SVEP1: variants seen among roughly 807,000 people sequenced by gnomAD.
SVEP1 encodes the protein sushi, von Willebrand factor type A, EGF and pentraxin domain-containing protein 1.
In SVEP1, 164 loss-of-function variants were observed where a neutral mutation model predicts 367.3. That is an observed-to-expected ratio of 0.45 (90% CI 0.39 to 0.51). The LOEUF is 0.51. Ranked by LOEUF, SVEP1 falls within the 20% of genes least tolerant of loss-of-function variation. SVEP1 has a pLI of 0.00. For synonymous variants in SVEP1, 1,666 were observed against 1,611.6 expected (o/e 1.03, Z -0.81); for missense variants, 4,117 against 4,425.3 (o/e 0.93, Z 1.98).
Position 110,370,018 on chromosome 9 carries a change from T to C in SVEP1, c.10601-2A>G. ...TTAAGCAGGGAGACTGGCAAACAGC[T>C]GGAATAAAAAACCCATGCATTTATT... On this transcript the variant is annotated splice_acceptor_variant, in intron 46 of 47. Transcript: ENST00000374469. LOFTEE classifies it high-confidence loss of function. 6.2e-7 allele frequency: 1 copy of C among 1,611,812 alleles called. No homozygotes were observed.
chr9:110,412,693 T>A (rs1280687493), intron 36 of SVEP1, among the ~76,000 whole-genome samples: 1 of 75,908 alleles, frequency 1.3e-5, no homozygotes, highest in Non-Finnish European at 2.5e-5. Context: ...TAAACAAATT[T>A]ACAAGAAAAA....
intron 1 of SVEP1, among the ~76,000 whole-genome samples, chr9:110,572,190 G>A (rs1211585482): frequency 1.3e-5 from 2 of 152,198 alleles, no homozygotes; most frequent in Non-Finnish European, 2.9e-5. Flanking sequence ...ACTTAGCTAT[G>A]TGATTTGTGT....
intron 3 of SVEP1, among the ~76,000 whole-genome samples, chr9:110,530,360 G>A: frequency 6.6e-6 from 1 of 152,136 alleles, no homozygotes; most frequent in Non-Finnish European, 1.5e-5. Context: ...ACAGAGACAT[G>A]CTTGGTTGGA....
At chr9:110,568,037 T>C (rs559145565) in intron 1 of SVEP1, among the ~76,000 whole-genome samples, 39 of 152,328 alleles carry the variant, frequency 2.6e-4, no homozygotes, top group African/African-American at 8.9e-4. Context: ...GCTCCCAGTG[T>C]TCCCTAGTGG....
At chr9:110,548,457 C>T (rs951176843) in intron 2 of SVEP1, among the ~76,000 whole-genome samples, 1 of 152,014 alleles carries the variant, frequency 6.6e-6, no homozygotes, top group African/African-American at 2.4e-5. Context: ...CCATTTAATC[C>T]TTGTAACAAT....
intron 3 of SVEP1, among the ~76,000 whole-genome samples, chr9:110,528,150 GTGTGTGTATATATATATATA>G (rs1829966566): frequency 2.3e-5 from 1 of 42,716 alleles, no homozygotes; most frequent in African/African-American, 9.7e-5. Flanking sequence ...GTGTGTGTGT[GTGTGTGTATATATATATATA>G]TATATATATA....
At chr9:110,488,029 G>A (rs1404542818) in intron 9 of SVEP1, among the ~76,000 whole-genome samples, 1 of 152,156 alleles carries the variant, frequency 6.6e-6, no homozygotes, top group African/African-American at 2.4e-5. Context: ...AGATTTCAAA[G>A]GACTGATCCG....
At chr9:110,390,092 CAT>C (rs1203587067) in intron 40 of SVEP1, among the ~76,000 whole-genome samples, 3 of 110,772 alleles carry the variant, frequency 2.7e-5, no homozygotes, top group Non-Finnish European at 3.7e-5. Context: ...TATATATACA[CAT>C]ACATACTTAT....
In SVEP1 at chr9:110,443,563, C is replaced by A. The variant is rs759439724; in HGVS notation, c.4621G>T (p.Val1541Phe). 5.6e-6 allele frequency: 9 copies of A among 1,608,364 alleles called. No individual in the cohort carries two copies. The highest frequency in any genetic ancestry group is 7.6e-6 in the Non-Finnish European group (9 of 1,177,382). The change falls in exon 27 of 48, where the codon GTT becomes TTT. Residue 1541 changes from valine to phenylalanine, a missense_variant. Coordinates refer to ENST00000374469, the MANE Select transcript of SVEP1 (RefSeq NM_153366.4). ...AACATACCAGGTATGGGCAAACCAACAGAGAGGCCAGCACCACCGTCAGAT... is the reference window on the plus strand; with the variant it reads ...AACATACCAGGTATGGGCAAACCAAAAGAGAGGCCAGCACCACCGTCAGAT... ...KLSDGGAGLSVGLPIPGGGAL... is the reference protein window; with the variant it reads ...KLSDGGAGLSFGLPIPGGGAL...
At chr9:110,456,268 G>A (rs1199497533) in intron 21 of SVEP1, among the ~76,000 whole-genome samples, 1 of 152,190 alleles carries the variant, frequency 6.6e-6, no homozygotes, top group Non-Finnish European at 1.5e-5. Context: ...CACTGAATTA[G>A]AAATTCTGGG....
chr9:110,527,852 C>T (rs984808210), intron 3 of SVEP1, among the ~76,000 whole-genome samples: 13 of 151,330 alleles, frequency 8.6e-5, no homozygotes, highest in Non-Finnish European at 1.3e-4. Flanking sequence ...CCCTCACTCC[C>T]CTCCCACTCT....
intron 36 of SVEP1, among the ~76,000 whole-genome samples, chr9:110,423,552 G>A (rs562606612): frequency 6.6e-6 from 1 of 152,148 alleles, no homozygotes; most frequent in African/African-American, 2.4e-5. Context: ...TCTTCAAGTT[G>A]TTCAGGAAGA....
chr9:110,429,395 G>A, intron 34 of SVEP1, 61 bp from the exon 35 acceptor site: 1 of 1,219,470 alleles, frequency 8.2e-7, no homozygotes, highest in African/African-American at 1.5e-5. Flanking sequence ...GCCGTTATCT[G>A]TGCCAAAAAC....
At chr9:110,369,891 TA>T in intron 47 of SVEP1, 31 bp downstream of exon 47, 2 of 1,582,256 alleles carry the variant, frequency 1.3e-6, no homozygotes, top group Non-Finnish European at 1.7e-6. Context: ...GTCTTCATGT[TA>T]TAGGCGAACA....
At position 110,514,034 on chromosome 9, in the gene SVEP1, T is replaced by G. The variant is rs747556512; in HGVS notation, c.1037A>C (p.Glu346Ala). 6 of 1,612,214 alleles carry G rather than the reference T, an allele frequency of 3.7e-6. No homozygotes were observed. The South Asian group carries it at 6.6e-5, about 18-fold the overall frequency. ...GISSCIPCPD[E>A]NHTSPPGSTS... ...GCTTCCAGGTGGAGAGGTGTGATTT[T>G]CATCAGGACATGGAATGCAACTGCT... The change falls in exon 4 of 48, where the codon GAA becomes GCA. Residue 346 changes from glutamate to alanine, a missense_variant. By Grantham distance (107) the Glu-to-Ala change is moderately radical. Around this residue, in one of 4 missense-constraint regions of SVEP1, gnomAD observed 2,174 missense variants for 2,494.3 expected, o/e 0.87. Coordinates refer to ENST00000374469, the MANE Select transcript of SVEP1 (RefSeq NM_153366.4).
Position 110,407,849 on chromosome 9 carries a change from G to T in SVEP1, c.7751C>A (p.Pro2584His). 1 of 1,614,002 alleles carries T rather than the reference G, an allele frequency of 6.2e-7. No individual in the cohort carries two copies. Among genetic ancestry groups the T allele is most frequent in the Non-Finnish European group, 8.5e-7 (1 of 1,179,898 alleles). ...GGCATGACCAGCCACCTGAAACCCAGGGAAGCAACTGTAGATGATTATGGC... is the reference window on the plus strand; with the variant it reads ...GGCATGACCAGCCACCTGAAACCCATGGAAGCAACTGTAGATGATTATGGC... ...YGAIIIYSCF[P>H]GFQVAGHAMQ... is the part of the protein sequence containing the mutation. The change falls in exon 38 of 48, where the codon CCT (proline) becomes CAT (histidine). Residue 2584 changes from proline (P) to histidine (H), a missense_variant. Pro to His is a moderately conservative substitution (Grantham distance 77). Around this residue, in one of 4 missense-constraint regions of SVEP1, gnomAD observed 1,765 missense variants for 1,781.1 expected, o/e 0.99. Coordinates refer to ENST00000374469, the MANE Select transcript of SVEP1 (RefSeq NM_153366.4).
In SVEP1 at chr9:110,408,369, C is replaced by G; in HGVS notation, c.7231G>C (p.Gly2411Arg). 1 of 1,613,866 alleles carries G rather than the reference C, an allele frequency of 6.2e-7. No individual in the cohort carries two copies. The highest frequency in any genetic ancestry group is 8.5e-7 in the Non-Finnish European group (1 of 1,179,884). ...GSTVKYSCVG[G>R]FFLRGNSTTL... The stretch of plus-strand genomic sequence containing the variant: ...GTAGAATTTCCTCTTAGGAAAAACC[C>G]ACCTACACAAGAATACTTGACAGTA... The change falls in exon 38 of 48, where the codon GGG becomes CGG. Residue 2411 changes from glycine to arginine, a missense_variant. Coordinates refer to ENST00000374469, the MANE Select transcript of SVEP1 (RefSeq NM_153366.4).
chr9:110,496,719 T>C, intron 8 of SVEP1, 96 bp downstream of exon 8: 1 of 827,416 alleles, frequency 1.2e-6, no homozygotes, highest in Non-Finnish European at 1.9e-6. Context: ...CTAATACAAG[T>C]ATTACCATGA....
chr9:110,540,105 T>C (rs1374251784), intron 3 of SVEP1, among the ~76,000 whole-genome samples: 1 of 152,074 alleles, frequency 6.6e-6, no homozygotes, highest in African/African-American at 2.4e-5. Flanking sequence ...CACTATTTAA[T>C]ATTAGCTACT....
Sources: allele counts gnomAD v4.1 joint callset (sites outside exome capture counted in the v4.1 genomes callset), GRCh38; gene constraint gnomAD v4.1.1; regional missense constraint gnomAD v4.1.1; transcripts MANE v1.5; gene names NCBI Gene and HGNC (gene_info 2026-07-23, HGNC 2026-07-21).